Variants in PDE3B observed in about 807,000 individuals in gnomAD.
The protein encoded by PDE3B is phosphodiesterase 3B, also known as cGMP-inhibited 3',5'-cyclic phosphodiesterase 3B.
PDE3B carries 66 observed loss-of-function variants against 116.8 expected under a neutral mutation model. That is an observed-to-expected ratio of 0.56 (90% CI 0.46 to 0.69). PDE3B has a LOEUF of 0.69. Among genes scored for constraint, PDE3B ranks in the 30% least tolerant of loss-of-function variants. The pLI is 0.00. For synonymous variants in PDE3B, 595 were observed against 533.6 expected (o/e 1.12, Z -1.59); for missense variants, 1,384 against 1,368.1 (o/e 1.01, Z -0.18).
intron 12 of PDE3B, among the ~76,000 whole-genome samples, chr11:14,850,463 A>C (rs998843248): frequency 6.6e-5 from 10 of 152,198 alleles, no homozygotes; most frequent in Middle Eastern, 3.4e-3. Flanking sequence ...CATTGTGCAC[A>C]TGTACCCTAA....
At chr11:14,674,775 T>C (rs995513433) in intron 1 of PDE3B, among the ~76,000 whole-genome samples, 2 of 152,318 alleles carry the variant, frequency 1.3e-5, no homozygotes, top group East Asian at 3.8e-4. Flanking sequence ...TTGATCCTGA[T>C]TGCAACTGGG....
At chr11:14,821,052 A>T (rs997922150) in intron 7 of PDE3B, among the ~76,000 whole-genome samples, 1 of 152,224 alleles carries the variant, frequency 6.6e-6, no homozygotes, top group East Asian at 1.9e-4. Flanking sequence ...TTCTCACCTG[A>T]GGACTTTGAT....
chr11:14,758,174 G>A (rs1478753994), intron 1 of PDE3B, among the ~76,000 whole-genome samples: 1 of 152,084 alleles, frequency 6.6e-6, no homozygotes, highest in Admixed American at 6.5e-5. Flanking sequence ...TCTCTGATTT[G>A]GTACCAGTAC....
At chr11:14,794,789 G>C in intron 4 of PDE3B, among the ~76,000 whole-genome samples, 1 of 152,136 alleles carries the variant, frequency 6.6e-6, no homozygotes, top group East Asian at 1.9e-4. Flanking sequence ...CCCCTCCCTG[G>C]GTTCAGGTAA....
At chr11:14,652,228 G>GA (rs1455072161) in intron 1 of PDE3B, among the ~76,000 whole-genome samples, 1 of 151,928 alleles carries the variant, frequency 6.6e-6, no homozygotes, top group Non-Finnish European at 1.5e-5. Context: ...ACCATTTGTT[G>GA]AAAAAAACTG....
intron 1 of PDE3B, among the ~76,000 whole-genome samples, chr11:14,704,973 CTTATATA>C (rs980911926): frequency 1.3e-5 from 2 of 151,480 alleles, no homozygotes; most frequent in African/African-American, 4.8e-5. Flanking sequence ...TGAGAAACGA[CTTATATA>C]TTGGATATAT....
the PDE3B span, chr11:14,885,903 A>G: frequency 2.5e-6 from 4 of 1,613,508 alleles, no homozygotes; most frequent in Non-Finnish European, 3.4e-6. Flanking sequence ...TGCCTCCAAG[A>G]TCTAAACTGA....
At chr11:14,798,724 G>A (rs935943095) in intron 4 of PDE3B, among the ~76,000 whole-genome samples, 1 of 152,138 alleles carries the variant, frequency 6.6e-6, no homozygotes, top group Non-Finnish European at 1.5e-5. Flanking sequence ...TTGTGTAGAG[G>A]TGTTTATAGT....
chr11:14,673,018 A>G (rs1447056202), intron 1 of PDE3B, among the ~76,000 whole-genome samples: 1 of 151,838 alleles, frequency 6.6e-6, no homozygotes, highest in African/African-American at 2.4e-5. Flanking sequence ...TACACAATGT[A>G]TTGTGTCTAT....
the PDE3B span, chr11:14,887,574 G>C: frequency 2.0e-6 from 2 of 982,902 alleles, no homozygotes; most frequent in Non-Finnish European, 2.4e-6. Flanking sequence ...CCAATTATGG[G>C]CTAATTATAA....
intron 2 of PDE3B, among the ~76,000 whole-genome samples, chr11:14,783,181 C>T (rs910353741): frequency 6.6e-6 from 1 of 152,170 alleles, no homozygotes; most frequent in Non-Finnish European, 1.5e-5. Context: ...CTAGTTCAAC[C>T]ATTGTGGAAG....
chr11:14,746,066 G>T (rs1236171287), intron 1 of PDE3B, among the ~76,000 whole-genome samples: 2 of 152,190 alleles, frequency 1.3e-5, no homozygotes, highest in African/African-American at 4.8e-5. Flanking sequence ...TCATCAGGAA[G>T]CCCTCTCATA....
intron 1 of PDE3B, among the ~76,000 whole-genome samples, chr11:14,669,896 G>T (rs528629976): frequency 5.7e-4 from 87 of 152,166 alleles, no homozygotes; most frequent in African/African-American, 2.0e-3. Context: ...AGAAGAATAG[G>T]CATAAAAATG....
intron 7 of PDE3B, among the ~76,000 whole-genome samples, chr11:14,825,756 C>T (rs1859668982): frequency 6.6e-6 from 1 of 152,130 alleles, no homozygotes; most frequent in Non-Finnish European, 1.5e-5. Flanking sequence ...ATATTCAGGA[C>T]CTGAACTCAA....
chr11:14,737,365 A>AT lies in PDE3B; in HGVS notation c.979-34566dup, dbSNP rs561746267. 1.6e-3 allele frequency among the ~76,000 whole-genome samples: 245 copies of AT among 152,152 alleles called. 1 individual carries two copies. The highest frequency in any genetic ancestry group is 5.6e-3 in the African/African-American group (232 of 41,530). On this transcript the variant is annotated intron_variant, in intron 1 of 15. Transcript: ENST00000282096. ...GGCGCCCTGCCACTATGCCCAGCTA[A>AT]TTTTTTGTGTTTTTAGTAGAGACAG... is the stretch of plus-strand genomic sequence containing the variant.
intron 1 of PDE3B, among the ~76,000 whole-genome samples, chr11:14,749,707 T>C (rs1405118994): frequency 4.0e-5 from 6 of 151,326 alleles, no homozygotes; most frequent in Non-Finnish European, 7.4e-5. Context: ...AGATGGTCTC[T>C]ACTAGGAGCA....
chr11:14,719,018 C>T (rs1856013989), intron 1 of PDE3B, among the ~76,000 whole-genome samples: 1 of 116,898 alleles, frequency 8.6e-6, no homozygotes, highest in African/African-American at 3.4e-5. Context: ...AATTGATAGA[C>T]TGCTAGCAAG....
chr11:14,778,777 G>T (rs1056361140), intron 2 of PDE3B, among the ~76,000 whole-genome samples: 1 of 152,170 alleles, frequency 6.6e-6, no homozygotes, highest in South Asian at 2.1e-4. Context: ...CCAAAGGAAC[G>T]CAGCTCCTCG....
At chr11:14,772,692 C>T (rs1457182995) in intron 2 of PDE3B, 3 of 151,668 alleles carry the variant, frequency 2.0e-5, no homozygotes, top group African/African-American at 7.3e-5. Flanking sequence ...ATTTTTTGAA[C>T]ACCTAAGTAA....
Sources: allele counts gnomAD v4.1 joint callset (sites outside exome capture counted in the v4.1 genomes callset), GRCh38; gene constraint gnomAD v4.1.1; transcripts MANE v1.5; gene names NCBI Gene and HGNC (gene_info 2026-07-23, HGNC 2026-07-21).